Variants in ANKFN1 observed in about 807,000 individuals in gnomAD.
The protein encoded by ANKFN1 is ankyrin repeat and fibronectin type III domain containing 1, also known as ankyrin repeat and fibronectin type-III domain-containing protein 1.
A neutral mutation model predicts 108.7 loss-of-function variants in ANKFN1; 74 were observed. The ratio of observed to expected loss-of-function variants is 0.68; its 90% CI spans 0.56 to 0.83. The LOEUF is 0.83. Among genes scored for constraint, ANKFN1 ranks in the 40% least tolerant of loss-of-function variants. The pLI is 0.00. For missense variants in ANKFN1, 1,505 were observed against 1,382.3 expected (o/e 1.09, Z -1.41); for synonymous variants, 547 against 516.2 (o/e 1.06, Z -0.81).
At chr17:56,251,717 C>T (rs979543689) in intron 3 of ANKFN1, among the ~76,000 whole-genome samples, 3 of 152,116 alleles carry the variant, frequency 2.0e-5, no homozygotes, top group Non-Finnish European at 2.9e-5. Context: ...TTTTGATTCC[C>T]ACTCCAGGTG....
chr17:56,087,793 T>C (rs1036938692), intron 4 of ANKFN1, among the ~76,000 whole-genome samples: 2 of 151,432 alleles, frequency 1.3e-5, no homozygotes, highest in Admixed American at 1.3e-4. Flanking sequence ...CTCATTTGTG[T>C]GCCTATAATC....
rs148581234 is a variant in ANKFN1 at position 56,115,415 on chromosome 17, A to G, written c.288+69090A>G. On this transcript the variant is annotated intron_variant, in intron 4 of 12. Coordinates refer to the ANKFN1 transcript ENST00000635860. The stretch of plus-strand genomic sequence containing the variant: ...ACACAGAAGAAGCAAGTTGGAGAAT[A>G]TCACATCCAGTATATACCAATCATA... Among the ~76,000 whole-genome samples the G allele has an allele frequency of 7.9e-5, 12 of 152,330 alleles. No individual in the cohort carries two copies. The East Asian group carries it at 2.1e-3, about 27-fold the overall frequency.
rs569892934 is a variant in ANKFN1 at position 56,126,322 on chromosome 17, A to G, written c.288+79997A>G. Among the ~76,000 whole-genome samples the G allele has an allele frequency of 4.6e-5, 7 of 152,140 alleles. No homozygotes were observed. In the South Asian group the frequency reaches 1.5e-3, roughly 32 times the overall value. ...GGGCTATTTCTTGAAAGATTCCTTG[A>G]CTGGCTCCCCCTGCCAGACGACAGC... On this transcript the variant is annotated intron_variant, in intron 4 of 12. Transcript: ENST00000635860.
At chr17:56,379,933 C>A (rs2047048296) in intron 8 of ANKFN1, among the ~76,000 whole-genome samples, 1 of 152,224 alleles carries the variant, frequency 6.6e-6, no homozygotes, top group African/African-American at 2.4e-5. Flanking sequence ...TCTGGTAAGG[C>A]AAGTTCCTCC....
Position 56,243,431 on chromosome 17 carries a change from A to G in ANKFN1, c.53+15474A>G, listed in dbSNP as rs113242560. Among the ~76,000 whole-genome samples the G allele has an allele frequency of 8.6e-4, 131 of 152,272 alleles. 1 individual carries two copies. The highest frequency in any genetic ancestry group is 3.0e-3 in the African/African-American group (125 of 41,576). ...TAGTTTGGCTCAGTTGCTGCCTGTAAGGTGAAGCCAGTGTTTCCAGCCTTC... is the reference window on the plus strand; with the variant it reads ...TAGTTTGGCTCAGTTGCTGCCTGTAGGGTGAAGCCAGTGTTTCCAGCCTTC... On this transcript the variant is annotated intron_variant, in intron 3 of 20. Transcript: ENST00000682825.
chr17:56,495,768 T>C (rs929073915), intron 19 of ANKFN1, among the ~76,000 whole-genome samples: 7 of 152,136 alleles, frequency 4.6e-5, no homozygotes, highest in Non-Finnish European at 8.8e-5. Context: ...TAAGCTGTAA[T>C]AGAAACACAG....
chr17:56,374,056 T>C (rs2046881594), intron 7 of ANKFN1, among the ~76,000 whole-genome samples: 1 of 152,152 alleles, frequency 6.6e-6, no homozygotes, highest in Admixed American at 6.5e-5. Context: ...TAGAATTCTA[T>C]CAATACTGGA....
At chr17:56,055,972 A>T (rs1477544022) in intron 4 of ANKFN1, among the ~76,000 whole-genome samples, 1 of 152,090 alleles carries the variant, frequency 6.6e-6, no homozygotes, top group East Asian at 1.9e-4. Context: ...TCTGACAATT[A>T]TTGATGTTGA....
intron 1 of ANKFN1, among the ~76,000 whole-genome samples, chr17:56,212,163 T>C (rs1213274352): frequency 1.3e-5 from 2 of 148,384 alleles, no homozygotes; most frequent in East Asian, 2.0e-4. Flanking sequence ...TAGTATAATA[T>C]TGGCTGTGGG....
chr17:56,345,984 A>G (rs145189693), intron 4 of ANKFN1, among the ~76,000 whole-genome samples: 5,024 of 152,144 alleles, frequency 0.033, 265 homozygotes, highest in African/African-American at 0.11. Flanking sequence ...CCTGAATGGT[A>G]TTGCCTAGGT....
chr17:56,313,683 A>G (rs1428229385), intron 3 of ANKFN1, among the ~76,000 whole-genome samples: 3 of 152,164 alleles, frequency 2.0e-5, no homozygotes, highest in African/African-American at 7.2e-5. Context: ...AATGATAACA[A>G]CTCAGATTTA....
At chr17:56,407,303 C>T (rs1359381807) in intron 8 of ANKFN1, among the ~76,000 whole-genome samples, 1 of 152,178 alleles carries the variant, frequency 6.6e-6, no homozygotes. Flanking sequence ...GAAATATTTA[C>T]TGAGCTCTTA....
intron 8 of ANKFN1, among the ~76,000 whole-genome samples, chr17:56,390,424 C>T (rs1056977659): frequency 1.3e-5 from 2 of 152,162 alleles, no homozygotes; most frequent in Admixed American, 1.3e-4. Flanking sequence ...ATATGTGCCA[C>T]ATTTTCTTTA....
At chr17:56,057,922 A>G (rs1904908357) in intron 4 of ANKFN1, among the ~76,000 whole-genome samples, 2 of 152,328 alleles carry the variant, frequency 1.3e-5, no homozygotes, top group Middle Eastern at 6.8e-3. Context: ...GGAGCTCTTC[A>G]GTAACTAGAT....
intron 3 of ANKFN1, among the ~76,000 whole-genome samples, chr17:56,237,927 C>A (rs1396339983): frequency 2.0e-5 from 3 of 152,066 alleles, no homozygotes; most frequent in Admixed American, 1.3e-4. Context: ...CTATAAATTT[C>A]CCACTGAAGG....
intron 8 of ANKFN1, among the ~76,000 whole-genome samples, chr17:56,403,875 T>C (rs1396795081): frequency 6.6e-6 from 1 of 152,200 alleles, no homozygotes; most frequent in Non-Finnish European, 1.5e-5. Flanking sequence ...GTGAATTCTG[T>C]CAGCATTTGT....
chr17:56,185,940 A>G (rs963678524), intron 1 of ANKFN1, among the ~76,000 whole-genome samples: 1 of 152,192 alleles, frequency 6.6e-6, no homozygotes, highest in African/African-American at 2.4e-5. Context: ...AAAAAATAAG[A>G]AAAAGCAATA....
At chr17:56,216,422 T>C (rs980708670) in intron 2 of ANKFN1, among the ~76,000 whole-genome samples, 23 of 152,204 alleles carry the variant, frequency 1.5e-4, no homozygotes, top group Non-Finnish European at 2.5e-4. Flanking sequence ...TGTCTGAAAG[T>C]TGAAAATATT....
rs768726041 is a variant in ANKFN1, at chr17:56,145,177, A to T, written c.289-82740A>T. Among the ~76,000 whole-genome samples, 5 of 152,336 alleles carry T rather than the reference A, an allele frequency of 3.3e-5. No individual in the cohort carries two copies. The East Asian group carries it at 5.8e-4, about 18-fold the overall frequency. ...AGAAACAAGCAGTGAGTGTGCACTG[A>T]GCAGGCAATGGGAATTAGAAACCAT... On this transcript the variant is annotated intron_variant, in intron 4 of 12. Coordinates refer to the ANKFN1 transcript ENST00000635860.
Sources: allele counts gnomAD v4.1 joint callset (sites outside exome capture counted in the v4.1 genomes callset), GRCh38; gene constraint gnomAD v4.1.1; transcripts MANE v1.5; gene names NCBI Gene and HGNC (gene_info 2026-07-23, HGNC 2026-07-21).